The following TACC1 variants were observed in gnomAD, a reference collection of about 807,000 sequenced individuals.
TACC1 encodes the protein transforming acidic coiled-coil containing protein 1.
In TACC1, 48 loss-of-function variants were observed where a neutral mutation model predicts 84.4. That is an observed-to-expected ratio of 0.57 (90% CI 0.45 to 0.72). The LOEUF (loss-of-function observed/expected upper bound fraction) is 0.72, where lower values mean the gene tolerates loss of function less well. Ranked by LOEUF, TACC1 falls within the 30% of genes least tolerant of loss-of-function variation. The pLI is 0.00. For missense variants in TACC1, 920 were observed against 973.0 expected, an observed-to-expected ratio of 0.95 and a Z score of 0.72; for synonymous variants, 372 against 376.3, an observed-to-expected ratio of 0.99 and a Z score of 0.13.
intron 1 of TACC1, among the ~76,000 whole-genome samples, chr8:38,739,845 G>C (rs1439338159): frequency 6.6e-6 from 1 of 152,194 alleles, no homozygotes; most frequent in African/African-American, 2.4e-5. Flanking sequence ...GAGCCTTCAG[G>C]CTGTGATGCA....
At position 38,761,240 on chromosome 8, in the gene TACC1, A is replaced by G. The variant is rs1265157487; in HGVS notation, c.26+15747A>G. Among the ~76,000 whole-genome samples, 3 of 152,050 alleles carry G rather than the reference A, an allele frequency of 2.0e-5. No individual in the cohort carries two copies. The East Asian group carries it at 5.8e-4, about 29-fold the overall frequency. On this transcript the variant is annotated intron_variant, in intron 3 of 14. Transcript: ENST00000518415. ...TACGAGTAGTGGGGAATTTGTGGAGAGATTTGAAGTATGAGACAAAGCAGA... is the reference window on the plus strand; with the variant it reads ...TACGAGTAGTGGGGAATTTGTGGAGGGATTTGAAGTATGAGACAAAGCAGA...
At chr8:38,762,407 T>C (rs546687672) in intron 3 of TACC1, among the ~76,000 whole-genome samples, 144 of 152,360 alleles carry the variant, frequency 9.5e-4, no homozygotes, top group African/African-American at 3.1e-3. Flanking sequence ...TTATTTCCCT[T>C]AGCATAATGT....
intron 1 of TACC1, 142 bp downstream of exon 1, chr8:38,787,885 G>A: frequency 5.0e-6 from 4 of 798,662 alleles, no homozygotes; most frequent in South Asian, 2.1e-5. Context: ...CCGGGTCCCC[G>A]TGTGCGTCCG....
chr8:38,842,503 GTAACTGGTCATCAAA>G, intron 10 of TACC1, 56 bp downstream of exon 10: 2 of 1,520,714 alleles, frequency 1.3e-6, no homozygotes, highest in Non-Finnish European at 1.8e-6. Context: ...TATTTCCTTG[GTAACTGGTCATCAAA>G]TACATATGCC....
chr8:38,761,206 T>A (rs985818104), intron 3 of TACC1, among the ~76,000 whole-genome samples: 2 of 152,136 alleles, frequency 1.3e-5, no homozygotes, highest in African/African-American at 4.8e-5. Context: ...GTGGCCAAGG[T>A]AGGTTTTCTA....
chr8:38,801,240 A>G (rs1206664742), intron 2 of TACC1, among the ~76,000 whole-genome samples: 1 of 152,164 alleles, frequency 6.6e-6, no homozygotes, highest in African/African-American at 2.4e-5. Context: ...GATAACGTTC[A>G]GTTTACTTGT....
At chr8:38,802,728 A>G (rs1821689970) in intron 2 of TACC1, among the ~76,000 whole-genome samples, 4 of 152,184 alleles carry the variant, frequency 2.6e-5, no homozygotes, top group Admixed American at 2.6e-4. Context: ...GCAGAAGGCA[A>G]AGGTGGAGCA....
intron 4 of TACC1, 120 bp downstream of exon 4, chr8:38,825,488 A>G: frequency 9.9e-7 from 1 of 1,007,208 alleles, no homozygotes; most frequent in Non-Finnish European, 1.5e-6. Context: ...ACTCAGCTTT[A>G]AGAAGCCAAT....
intron 3 of TACC1, among the ~76,000 whole-genome samples, chr8:38,780,426 G>A (rs1198925399): frequency 1.3e-5 from 2 of 151,906 alleles, no homozygotes; most frequent in Non-Finnish European, 2.9e-5. Context: ...GCAGTGGCAC[G>A]ATCTTGGCTC....
chr8:38,813,305 C>G (rs1488086004), intron 2 of TACC1, among the ~76,000 whole-genome samples: 3 of 152,156 alleles, frequency 2.0e-5, no homozygotes, highest in Admixed American at 2.0e-4. Flanking sequence ...AAGGAGACTA[C>G]AAGAAACTGT....
chr8:38,825,095 G>A lies in TACC1; in HGVS notation c.1392-213G>A, dbSNP rs142552770. Among the ~76,000 whole-genome samples the A allele has an allele frequency of 7.9e-5, 12 of 152,250 alleles. No homozygotes were observed. The East Asian group carries it at 2.3e-3, about 29-fold the overall frequency. On this transcript the variant is annotated intron_variant, in intron 3 of 12. Transcript: ENST00000317827. ...CTGAGGGGGTCTTTTCAGAGAATGA[G>A]CCCCGCTTGTAGGTCTTTGCTTACC...
chr8:38,817,538 A>G lies in TACC1; in HGVS notation c.278-1984A>G, dbSNP rs115756942. 4.0e-3 allele frequency among the ~76,000 whole-genome samples: 604 copies of G among 152,320 alleles called. 4 individuals carry two copies. The highest frequency in any genetic ancestry group is 0.014 in the African/African-American group (576 of 41,562). On this transcript the variant is annotated intron_variant, in intron 2 of 12. Coordinates refer to ENST00000317827, the MANE Select transcript of TACC1 (RefSeq NM_006283.3). The stretch of plus-strand genomic sequence containing the variant: ...ACCTATTCCTGGACAACAGTTACCA[A>G]GATTTTGCCATACTTACTATCTCTT...
intron 6 of TACC1, among the ~76,000 whole-genome samples, chr8:38,835,116 T>C (rs1829969643): frequency 1.3e-5 from 2 of 151,838 alleles, no homozygotes; most frequent in Non-Finnish European, 2.9e-5. Context: ...TAGCCGGGCG[T>C]GGTGGCGGGC....
At chr8:38,785,606 C>A, upstream of TACC1, 1 of 750,830 alleles carries the variant, frequency 1.3e-6, no homozygotes. Flanking sequence ...GATAAGAGAA[C>A]TATTCAGGAG....
At chr8:38,780,282 T>A (rs757618003) in intron 3 of TACC1, among the ~76,000 whole-genome samples, 1 of 152,238 alleles carries the variant, frequency 6.6e-6, no homozygotes, top group Non-Finnish European at 1.5e-5. Context: ...CTTGATCTTT[T>A]TTCCCATTGC....
upstream of TACC1, among the ~76,000 whole-genome samples, chr8:38,784,974 T>C (rs1384308568): frequency 1.3e-5 from 2 of 152,208 alleles, no homozygotes; most frequent in Non-Finnish European, 2.9e-5. Flanking sequence ...AAGAATGCTG[T>C]CTTTCACTTT....
intron 12 of TACC1, 116 bp from the exon 13 acceptor site, chr8:38,847,839 A>G (rs983688458): frequency 7.8e-6 from 6 of 771,758 alleles, no homozygotes; most frequent in African/African-American, 7.0e-5. Context: ...AAAGTTAAAA[A>G]TCACTGAATT....
chr8:38,764,132 C>G (rs555270680), intron 3 of TACC1, among the ~76,000 whole-genome samples: 29 of 152,260 alleles, frequency 1.9e-4, no homozygotes, highest in African/African-American at 7.0e-4. Context: ...GGCTGGAGTG[C>G]AATGGTGCAA....
At chr8:38,788,911 C>T in intron 2 of TACC1, 92 bp downstream of exon 2, 1 of 1,021,294 alleles carries the variant, frequency 9.8e-7, no homozygotes, top group South Asian at 1.6e-5. Flanking sequence ...AATTTAGGAC[C>T]ATTTAAGAGA....
Sources: gnomAD v4.1 joint callset for allele counts (sites outside exome capture counted in the v4.1 genomes callset) on GRCh38, gnomAD v4.1.1 for gene constraint, MANE v1.5 for transcripts, NCBI Gene and HGNC (gene_info 2026-07-23, HGNC 2026-07-21) for gene names.